MYO9A: variants seen among roughly 807,000 people sequenced by gnomAD.
MYO9A encodes the protein unconventional myosin-IXa.
MYO9A carries 103 observed loss-of-function variants against 293.3 expected under a neutral mutation model. The ratio of observed to expected loss-of-function variants is 0.35; its 90% CI spans 0.30 to 0.41. The LOEUF (loss-of-function observed/expected upper bound fraction) is 0.41. Among genes scored for constraint, MYO9A ranks in the 10% least tolerant of loss-of-function variants. The pLI, the probability that MYO9A is intolerant of heterozygous loss-of-function variation, is 1.00. For synonymous variants in MYO9A, 1,001 were observed against 1,035.7 expected (o/e 0.97, Z 0.64); for missense variants, 2,685 against 3,033.0 (o/e 0.89, Z 2.69).
chr15:71,863,757 C>T (rs1251368744), intron 32 of MYO9A, among the ~76,000 whole-genome samples: 2 of 151,952 alleles, frequency 1.3e-5, no homozygotes, highest in Non-Finnish European at 2.9e-5. Context: ...TTTAGGGTAT[C>T]GACCACTCAA....
intron 1 of MYO9A, among the ~76,000 whole-genome samples, chr15:72,049,211 A>C (rs1418449683): frequency 6.6e-6 from 1 of 152,214 alleles, no homozygotes; most frequent in East Asian, 1.9e-4. Flanking sequence ...CAGTATCATA[A>C]ATATATTTTT....
chr15:71,892,001 T>C (rs958099577), intron 26 of MYO9A: 12 of 152,214 alleles, frequency 7.9e-5, no homozygotes, highest in African/African-American at 2.9e-4. Context: ...CAGTTACAGA[T>C]ATGTATGGAA....
intron 9 of MYO9A, among the ~76,000 whole-genome samples, chr15:71,997,492 C>T (rs1483427512): frequency 1.3e-5 from 2 of 151,812 alleles, no homozygotes; most frequent in South Asian, 2.1e-4. Context: ...CCCAGCTACT[C>T]GGGAGGCTGA....
intron 13 of MYO9A, chr15:71,960,353 G>T: frequency 2.5e-6 from 1 of 395,784 alleles, no homozygotes; most frequent in African/African-American, 2.6e-5. Context: ...TTAAAAGTGT[G>T]GCACTCCTAC....
intron 3 of MYO9A, among the ~76,000 whole-genome samples, chr15:72,028,226 TATATATATATATAA>T (rs927727573): frequency 6.9e-6 from 1 of 144,102 alleles, no homozygotes; most frequent in African/African-American, 2.5e-5. Context: ...TAAATATATA[TATATATATATATAA>T]ATATATATAT....
In MYO9A at chr15:72,049,609, C is replaced by A. The variant is rs979088561; in HGVS notation, c.-71-2975G>T. On this transcript the variant is annotated intron_variant, in intron 1 of 41. Coordinates refer to ENST00000356056, the MANE Select transcript of MYO9A (RefSeq NM_006901.4). Reference sequence around the variant, plus strand: ...AGAAGATGAGCAGCAGGCAAGTAAGCATTACTGCCTGGGCTCTGCCTCCTG... The same window carrying A: ...AGAAGATGAGCAGCAGGCAAGTAAGAATTACTGCCTGGGCTCTGCCTCCTG... Among the ~76,000 whole-genome samples the A allele has an allele frequency of 5.3e-5, 8 of 152,322 alleles. No individual in the cohort carries two copies. In the South Asian group the frequency reaches 8.3e-4, roughly 16 times the overall value.
chr15:71,905,919 TTTTA>T (rs1041148623), intron 19 of MYO9A, among the ~76,000 whole-genome samples: 2 of 152,072 alleles, frequency 1.3e-5, no homozygotes. Flanking sequence ...CATATATTCT[TTTTA>T]TAGTTTATCG....
chr15:72,052,550 A>C (rs952743111), intron 1 of MYO9A, among the ~76,000 whole-genome samples: 23 of 152,218 alleles, frequency 1.5e-4, no homozygotes, highest in Non-Finnish European at 3.1e-4. Flanking sequence ...AGAAGAGAGA[A>C]GGAGAAAAGA....
At chr15:72,014,420 T>C (rs2149041665) in intron 6 of MYO9A, among the ~76,000 whole-genome samples, 1 of 152,308 alleles carries the variant, frequency 6.6e-6, no homozygotes, top group South Asian at 2.1e-4. Flanking sequence ...GCACGGTGGC[T>C]CATGCCTATA....
chr15:71,901,205 A>T lies in MYO9A; in HGVS notation c.3136T>A (p.Ser1046Thr). 6.2e-7 allele frequency: 1 copy of T among 1,612,318 alleles called. No homozygotes were observed. Among genetic ancestry groups the T allele is most frequent in the African/African-American group, 1.3e-5 (1 of 74,920 alleles). ...TTGCTTCTCACCTGGATAATAACAGATGCTTGTCTCAGATGGAGGAAATGC... is the reference window on the plus strand; with the variant it reads ...TTGCTTCTCACCTGGATAATAACAGTTGCTTGTCTCAGATGGAGGAAATGC... ...RQHFLHLRQASVIIQRFWRNY... is the reference protein window; with the variant it reads ...RQHFLHLRQATVIIQRFWRNY... Residue 1046 changes from serine to threonine, a missense_variant, in exon 23 of 42, where the codon TCT becomes ACT. This residue lies in a region of MYO9A where 1,434 missense variants were observed against 1,497.7 expected (regional missense o/e 0.96). Coordinates refer to ENST00000356056, the MANE Select transcript of MYO9A (RefSeq NM_006901.4).
At chr15:71,843,178 C>A (rs1348138813) in intron 39 of MYO9A, among the ~76,000 whole-genome samples, 1 of 152,030 alleles carries the variant, frequency 6.6e-6, no homozygotes, top group Non-Finnish European at 1.5e-5. Context: ...CCTGTAATCC[C>A]AGCACTTTGG....
chr15:71,835,820 G>A (rs1483807899), intron 39 of MYO9A, among the ~76,000 whole-genome samples: 2 of 152,076 alleles, frequency 1.3e-5, no homozygotes, highest in Non-Finnish European at 2.9e-5. Flanking sequence ...ACTGAAGAAG[G>A]TAGGATGACT....
chr15:71,972,006 C>A (rs1419455366), intron 12 of MYO9A, among the ~76,000 whole-genome samples: 2 of 152,002 alleles, frequency 1.3e-5, no homozygotes, highest in East Asian at 3.9e-4. Flanking sequence ...GGTTAAAAGA[C>A]CCTCATTCCA....
At chr15:71,830,411 ATGAT>A in intron 39 of MYO9A, 100 bp from the exon 40 acceptor site, 1 of 1,112,590 alleles carries the variant, frequency 9.0e-7, no homozygotes, top group Non-Finnish European at 1.3e-6. Flanking sequence ...CACCAGGTGA[ATGAT>A]AAGAATAAAT....
At chr15:72,041,088 T>C (rs2078213325) in intron 2 of MYO9A, 1 of 481,128 alleles carries the variant, frequency 2.1e-6, no homozygotes, top group African/African-American at 2.0e-5. Flanking sequence ...CTACAAAAAA[T>C]ACAAAAATTA....
intron 8 of MYO9A, among the ~76,000 whole-genome samples, chr15:72,002,533 A>C (rs2076897273): frequency 6.6e-6 from 1 of 152,172 alleles, no homozygotes; most frequent in Admixed American, 6.5e-5. Context: ...ACAACAACAA[A>C]AAAGAAGAAT....
In MYO9A at chr15:71,899,854, GGCTGCAGCCCGT is replaced by G; in HGVS notation, c.3291_3302del (p.Leu1097_Ala1101delinsPhe). 1 of 1,614,092 alleles carries G rather than the reference GGCTGCAGCCCGT, an allele frequency of 6.2e-7. No homozygotes were observed. Among genetic ancestry groups the G allele is most frequent in the Non-Finnish European group, 8.5e-7 (1 of 1,180,018 alleles). ...CTCTCCATTTCTGCTGGATAACGAT[GGCTGCAGCCCGT>G]AACTCCAAGTACCGCTGCCTCTCTA... On this transcript the variant is annotated inframe_deletion, in exon 24 of 42. Coordinates refer to ENST00000356056, the MANE Select transcript of MYO9A (RefSeq NM_006901.4).
At chr15:71,994,042 A>C (rs1220775514) in intron 10 of MYO9A, among the ~76,000 whole-genome samples, 1 of 152,292 alleles carries the variant, frequency 6.6e-6, no homozygotes, top group East Asian at 1.9e-4. Context: ...TATTTGTTAC[A>C]GCATTGTTTA....
intron 14 of MYO9A, among the ~76,000 whole-genome samples, chr15:71,956,553 A>G (rs1036732832): frequency 1.3e-5 from 2 of 149,716 alleles, no homozygotes; most frequent in African/African-American, 4.9e-5. Context: ...GGCTGAGGCA[A>G]GAGAATCGCT....
Sources: gnomAD v4.1 joint callset for allele counts (sites outside exome capture counted in the v4.1 genomes callset) on GRCh38, gnomAD v4.1.1 for gene constraint, gnomAD v4.1.1 regional missense constraint, MANE v1.5 for transcripts, NCBI Gene and HGNC (gene_info 2026-07-23, HGNC 2026-07-21) for gene names.